Variants in TRIM63 observed in about 807,000 individuals in gnomAD.
TRIM63 encodes the protein tripartite motif containing 63, also known as E3 ubiquitin-protein ligase TRIM63.
TRIM63 carries 48 observed loss-of-function variants against 46.0 expected under a neutral mutation model. That is an observed-to-expected ratio of 1.04 (90% confidence interval 0.83 to 1.33). The LOEUF (loss-of-function observed/expected upper bound fraction) is 1.33. TRIM63 is among the 40% of genes most tolerant of loss of function. The pLI, the probability that TRIM63 is intolerant of heterozygous loss-of-function variation, is 0.00. For missense variants in TRIM63, 455 were observed against 441.2 expected (o/e 1.03, Z -0.28); for synonymous variants, 175 against 162.8 (o/e 1.08, Z -0.57).
intron 4 of TRIM63, among the ~76,000 whole-genome samples, chr1:26,059,434 A>G (rs749312042): frequency 3.9e-5 from 6 of 152,094 alleles, no homozygotes; most frequent in East Asian, 1.9e-4. Flanking sequence ...TTTCAGGACC[A>G]AGACTGGATT....
chr1:26,058,512 T>C lies in TRIM63; in HGVS notation c.709A>G (p.Lys237Glu), dbSNP rs2275950. The change falls in exon 5 of 9, where the codon AAA (lysine) becomes GAA (glutamate). Residue 237 changes from lysine to glutamate, a missense_variant. Lys to Glu is a moderately conservative substitution (Grantham distance 56). Transcript: ENST00000374272. ...AGGGCCTCGATGAAGCTAAGCTTTT[T>C]CTCCTGCTCCTGCGTGATCCGCTGC... ...LLQRITQEQE[K>E]KLSFIEALIQ... 0.2 allele frequency: 326,265 copies of C among 1,614,006 alleles called. 34,258 individuals carry two copies. Among genetic ancestry groups the C allele is most frequent in the African/African-American group, 0.26 (19,743 of 74,958 alleles).
rs34009998 is a variant in TRIM63 at position 26,066,294 on chromosome 1, G to A, written c.306C>T (p.Ile102=). 347 of 1,614,086 alleles carry A rather than the reference G, an allele frequency of 2.1e-4. 1 individual carries two copies. In the African/African-American group the frequency reaches 3.2e-3, roughly 15 times the overall value. Residue 102 remains isoleucine (I), a synonymous_variant, in exon 2 of 9, where the codon ATC becomes ATT. Coordinates refer to ENST00000374272, the MANE Select transcript of TRIM63 (RefSeq NM_032588.4). ...LQRNLLVENI[I]DIYKQECSSR... is the part of the protein sequence containing the mutation. ...TGGAGCACTCCTGTTTGTAGATGTC[G>A]ATGATGTTCTCCACCAGCAGGTTCC...
At position 26,066,251 on chromosome 1, in the gene TRIM63, C is replaced by T; in HGVS notation, c.332+17G>A. On this transcript the variant is annotated intron_variant, in intron 2 of 8. Coordinates refer to ENST00000374272, the MANE Select transcript of TRIM63 (RefSeq NM_032588.4). ...GCTGGGAAGGAGGGCGGGCCCCCAG[C>T]AGGCACGAGAACCGACCTGGAGCAC... 6.2e-7 allele frequency: 1 copy of T among 1,613,548 alleles called. No homozygotes were observed. The highest frequency in any genetic ancestry group is 8.5e-7 in the Non-Finnish European group (1 of 1,179,840).
chr1:26,057,325 A>G lies in TRIM63; in HGVS notation c.857T>C (p.Ile286Thr), dbSNP rs780687574. 9.9e-6 allele frequency: 16 copies of G among 1,613,944 alleles called. No individual in the cohort carries two copies. The highest frequency in any genetic ancestry group is 2.7e-5 in the African/African-American group (2 of 74,930). Residue 286 changes from isoleucine to threonine, a missense_variant and splice_region_variant, in exon 7 of 9, where the codon ATT (isoleucine) becomes ACT (threonine). Ile to Thr is a moderately conservative substitution (Grantham distance 89). Coordinates refer to ENST00000374272, the MANE Select transcript of TRIM63 (RefSeq NM_032588.4). ...CTGGCAGCCCTTGGAAGCTTCCACA[A>G]TGCTGCAGGGGAGACAGAAAGAGAG... ...LLTAKQLIKS[I>T]VEASKGCQLG...
At position 26,051,737 on chromosome 1, in the gene TRIM63, G is replaced by C. The variant is rs1323906900; in HGVS notation, c.*136C>G. On this transcript the variant is annotated 3_prime_UTR_variant, in exon 9 of 9. Coordinates refer to ENST00000374272, the MANE Select transcript of TRIM63 (RefSeq NM_032588.4). ...CCCTAGTCCCTGCTCTCTGAGCAGA[G>C]AGAAGACATCACCTCCCCATTGCCC... is the stretch of plus-strand genomic sequence containing the variant. The C allele has an allele frequency of 1.7e-5, 10 of 578,436 alleles. No homozygotes were observed. The highest frequency in any genetic ancestry group is 9.7e-5 in the African/African-American group (5 of 51,560). 35.8% of individuals were successfully genotyped at this position (578,436 alleles called of 1,614,324 possible). A position where few individuals can be genotyped will look rare whatever the true frequency, so the allele number is the denominator to read the frequency against.
chr1:26,062,918 G>A (rs894400774), intron 2 of TRIM63, among the ~76,000 whole-genome samples: 7 of 152,036 alleles, frequency 4.6e-5, no homozygotes, highest in African/African-American at 1.7e-4. Context: ...ACCATGCCCA[G>A]CTAATTTTTG....
chr1:26,067,210 C>T lies in TRIM63; in HGVS notation c.159+126G>A. The T allele has an allele frequency of 3.2e-6, 4 of 1,235,754 alleles. No individual in the cohort carries two copies. In the South Asian group the frequency reaches 4.4e-5, roughly 14 times the overall value. The allele number at this position is 1,235,754 out of a possible 1,614,324, so 76.5% of individuals were successfully genotyped here. The stretch of plus-strand genomic sequence containing the variant: ...CCCTCTCAGCCCTGTCCAGAGGCCT[C>T]TGCAGGGGTTCACTTCCAAGGGGAA... On this transcript the variant is annotated intron_variant, in intron 1 of 8. Coordinates refer to ENST00000374272, the MANE Select transcript of TRIM63 (RefSeq NM_032588.4).
In TRIM63 at chr1:26,067,481, G is replaced by A. The variant is rs762015648; in HGVS notation, c.14C>T (p.Ser5Leu). ...GGGATTCCCATCCTGGATCAGGCTC[G>A]ACTTATAATCCATTCTGTGGGAAGG... is the stretch of plus-strand genomic sequence containing the variant. MDYK[S>L]SLIQDGNPME... is the part of the protein sequence containing the mutation. Residue 5 changes from serine (S) to leucine (L), a missense_variant, in exon 1 of 9, where the codon TCG becomes TTG. Transcript: ENST00000374272. The A allele has an allele frequency of 1.2e-5, 20 of 1,613,898 alleles. No homozygotes were observed. Among genetic ancestry groups the A allele is most frequent in the African/African-American group, 4.0e-5 (3 of 74,920 alleles).
rs1172766117 is a variant in TRIM63, at chr1:26,051,346, C to T, written c.*527G>A. The T allele has an allele frequency of 1.3e-5, 2 of 152,628 alleles. No homozygotes were observed. The highest frequency in any genetic ancestry group is 1.9e-4 in the East Asian group (1 of 5,190). The allele number at this position is 152,628 out of a possible 1,614,324, so 9.5% of individuals were successfully genotyped here. ...GAGCATTGTGCATTTATTAAAACAA[C>T]ATATAACACAAACTCAGTTACCACC... On this transcript the variant is annotated 3_prime_UTR_variant, in exon 9 of 9. Transcript: ENST00000374272.
At chr1:26,057,549 T>C in intron 6 of TRIM63, 79 bp downstream of exon 6, 1 of 1,526,042 alleles carries the variant, frequency 6.6e-7, no homozygotes, top group Non-Finnish European at 8.9e-7. Flanking sequence ...GCAGGCCTAA[T>C]GCCCAGGATG....
intron 1 of TRIM63, among the ~76,000 whole-genome samples, chr1:26,067,074 GGA>G (rs1352425314): frequency 6.6e-6 from 1 of 152,056 alleles, no homozygotes; most frequent in East Asian, 1.9e-4. Context: ...ACTCTTGATT[GGA>G]GAGTCAACAG....
chr1:26,066,105 T>C (rs2050674234), intron 2 of TRIM63, among the ~76,000 whole-genome samples, 163 bp downstream of exon 2: 1 of 151,914 alleles, frequency 6.6e-6, no homozygotes, highest in Non-Finnish European at 1.5e-5. Flanking sequence ...GAGAGCTGGG[T>C]TGGGGTGTAT....
intron 5 of TRIM63, 148 bp from the exon 6 acceptor site, chr1:26,057,798 G>A (rs999352308): frequency 1.3e-6 from 1 of 790,426 alleles, no homozygotes; most frequent in Non-Finnish European, 2.0e-6. Context: ...AAACTGAGCA[G>A]AATCTGGAAC....
rs781192996 is a variant in TRIM63 at position 26,066,339 on chromosome 1, G to A, written c.261C>T (p.His87=). Residue 87 remains histidine (H), a synonymous_variant, in exon 2 of 9, where the codon CAC becomes CAT. Coordinates refer to ENST00000374272, the MANE Select transcript of TRIM63 (RefSeq NM_032588.4). Reference sequence around the variant, plus strand: ...GGTTCCTCTGCAGGCCGTACACTCCGTGACGATCCATGATCACCTCGTGGC... The same window carrying A: ...GGTTCCTCTGCAGGCCGTACACTCCATGACGATCCATGATCACCTCGTGGC... ...TCRHEVIMDR[H]GVYGLQRNLL... is the part of the protein sequence containing the mutation. 29 of 1,614,026 alleles carry A rather than the reference G, an allele frequency of 1.8e-5. No individual in the cohort carries two copies. Among genetic ancestry groups the A allele is most frequent in the Non-Finnish European group, 2.2e-5 (26 of 1,180,018 alleles).
At chr1:26,066,231 G>C in intron 2 of TRIM63, 37 bp downstream of exon 2, 1 of 1,611,544 alleles carries the variant, frequency 6.2e-7, no homozygotes, top group Middle Eastern at 1.8e-4. Context: ...GCATGGCTGG[G>C]AAGGAGGGCG....
rs891581565 is a variant in TRIM63 at position 26,053,855 on chromosome 1, T to C, written c.1051+38A>G. ...GCACCTCAGATTGTTGTGGAATGAA[T>C]GAAGGAACGAAGGAATGGAGGTAGA... On this transcript the variant is annotated intron_variant, in intron 8 of 8. Transcript: ENST00000374272. The C allele has an allele frequency of 6.1e-6, 9 of 1,476,810 alleles. No homozygotes were observed. The African/African-American group carries it at 1.1e-4, about 18-fold the overall frequency. The allele number at this position is 1,476,810 out of a possible 1,614,324, so 91.5% of individuals were successfully genotyped here. A position where few individuals can be genotyped will look rare whatever the true frequency, so the allele number is the denominator to read the frequency against.
chr1:26,064,843 T>C (rs2050661927), intron 2 of TRIM63, among the ~76,000 whole-genome samples: 1 of 152,188 alleles, frequency 6.6e-6, no homozygotes, highest in Non-Finnish European at 1.5e-5. Context: ...TCACCTGAGA[T>C]CTGGTCTGTC....
chr1:26,060,193 G>A lies in TRIM63; in HGVS notation c.597+73C>T, dbSNP rs943029342. The A allele has an allele frequency of 4.2e-6, 6 of 1,412,360 alleles. No individual in the cohort carries two copies. The African/African-American group carries it at 7.0e-5, about 17-fold the overall frequency. The allele number at this position is 1,412,360 out of a possible 1,614,324, so 87.5% of individuals were successfully genotyped here. On this transcript the variant is annotated intron_variant, in intron 4 of 8. Transcript: ENST00000374272. ...CCCAACCTTTAGCCACAACCTATGG[G>A]TGAGCCTTCCCCAGAGACCAGGCTG...
chr1:26,067,438 C>T lies in TRIM63; in HGVS notation c.57G>A (p.Lys19=). ...QDGNPMENLE[K]QLICPICLEM... ...CCAGGCAGATAGGGCAGATCAGCTG[C>T]TTCTCCAAGTTCTCCATGGGATTCC... The change falls in exon 1 of 9, where the codon AAG becomes AAA. Residue 19 remains lysine, a synonymous_variant. Coordinates refer to ENST00000374272, the MANE Select transcript of TRIM63 (RefSeq NM_032588.4). 1 of 1,614,196 alleles carries T rather than the reference C, an allele frequency of 6.2e-7. No homozygotes were observed. Among genetic ancestry groups the T allele is most frequent in the Non-Finnish European group, 8.5e-7 (1 of 1,180,042 alleles).
Sources: allele counts gnomAD v4.1 joint callset (sites outside exome capture counted in the v4.1 genomes callset), GRCh38; gene constraint gnomAD v4.1.1; transcripts MANE v1.5; gene names NCBI Gene and HGNC (gene_info 2026-07-23, HGNC 2026-07-21).